The following CSMD1 variants were observed in gnomAD, a reference collection of about 807,000 sequenced individuals.
CSMD1 encodes the protein CUB and sushi domain-containing protein 1.
In CSMD1, 213 loss-of-function variants were observed where a neutral mutation model predicts 417.5. The ratio of observed to expected loss-of-function variants is 0.51; its 90% CI spans 0.46 to 0.57. The LOEUF is 0.57. CSMD1 is among the 20% of genes least tolerant of loss of function. The pLI is 0.00. For synonymous variants in CSMD1, 2,862 were observed against 1,736.8 expected (o/e 1.65, Z -16.11); for missense variants, 6,923 against 4,529.7 (o/e 1.53, Z -15.17).
At chr8:4,617,290 T>C (rs187612972) in intron 2 of CSMD1, among the ~76,000 whole-genome samples, 55 of 152,310 alleles carry the variant, frequency 3.6e-4, no homozygotes, top group African/African-American at 1.3e-3. Flanking sequence ...TGTTGGATAA[T>C]GTCTATAAAC....
At chr8:3,681,507 G>A (rs768316982) in intron 7 of CSMD1, among the ~76,000 whole-genome samples, 3 of 152,136 alleles carry the variant, frequency 2.0e-5, no homozygotes, top group Non-Finnish European at 2.9e-5. Flanking sequence ...TCTTCAAGGA[G>A]AATTACAAAC....
rs1414737341 is a variant in CSMD1, at chr8:3,575,072, AAC to A, written c.1223-8_1223-7del. Reference sequence around the variant, plus strand: ...ATTGGATCCACATGTTCTCGCTGGAAACACATAGAAACGACGTTATTTTCTAC... The same window carrying A: ...ATTGGATCCACATGTTCTCGCTGGAAACATAGAAACGACGTTATTTTCTAC... On this transcript the variant is annotated splice_region_variant and splice_polypyrimidine_tract_variant and intron_variant, in intron 9 of 69. Coordinates refer to ENST00000635120, the MANE Select transcript of CSMD1 (RefSeq NM_033225.6). The A allele has an allele frequency of 4.3e-6, 7 of 1,612,468 alleles. No individual in the cohort carries two copies. The highest frequency in any genetic ancestry group is 5.9e-6 in the Non-Finnish European group (7 of 1,179,210).
At chr8:3,165,700 T>G (rs113407220) in intron 37 of CSMD1, among the ~76,000 whole-genome samples, 6 of 152,064 alleles carry the variant, frequency 3.9e-5, no homozygotes, top group Non-Finnish European at 8.8e-5. Flanking sequence ...CCCAAAGTGC[T>G]GGGAGAACGG....
chr8:3,635,812 A>AAAAG (rs1554495062), intron 7 of CSMD1, among the ~76,000 whole-genome samples: 3,777 of 116,320 alleles, frequency 0.032, 52 homozygotes, highest in Middle Eastern at 0.068. Context: ...AAAAAAAAAA[A>AAAAG]AAAGAAAGAA....
chr8:3,572,875 C>A (rs1200238642), intron 10 of CSMD1, among the ~76,000 whole-genome samples: 1 of 152,136 alleles, frequency 6.6e-6, no homozygotes, highest in East Asian at 1.9e-4. Context: ...ACTATCTAAC[C>A]TTCAGAACTT....
intron 3 of CSMD1, among the ~76,000 whole-genome samples, chr8:4,044,931 T>TAA (rs1798073873): frequency 7.1e-6 from 1 of 140,558 alleles, no homozygotes; most frequent in Non-Finnish European, 1.6e-5. Context: ...TAAAAAAATG[T>TAA]CCCCATGGCA....
intron 10 of CSMD1, among the ~76,000 whole-genome samples, chr8:3,567,223 G>A (rs1262634295): frequency 6.6e-6 from 1 of 152,046 alleles, no homozygotes; most frequent in Admixed American, 6.6e-5. Flanking sequence ...AATGGTGAAA[G>A]TACATGGACA....
chr8:4,928,127 C>G (rs570222863), intron 1 of CSMD1, among the ~76,000 whole-genome samples: 12 of 152,272 alleles, frequency 7.9e-5, no homozygotes, highest in Non-Finnish European at 1.6e-4. Context: ...CTATTCCACC[C>G]CAGCCTCTGC....
intron 2 of CSMD1, among the ~76,000 whole-genome samples, chr8:4,597,136 TA>T (rs1413777405): frequency 2.0e-4 from 30 of 152,072 alleles, no homozygotes; most frequent in African/African-American, 5.8e-4. Flanking sequence ...CATTTGCAGC[TA>T]ACAAAAGCAG....
intron 7 of CSMD1, among the ~76,000 whole-genome samples, chr8:3,645,623 T>G (rs1182851770): frequency 6.6e-6 from 1 of 151,928 alleles, no homozygotes; most frequent in Non-Finnish European, 1.5e-5. Context: ...ATGGGAAGAG[T>G]CGGCCTTCTG....
At chr8:3,678,682 G>C (rs978619683) in intron 7 of CSMD1, among the ~76,000 whole-genome samples, 2 of 152,114 alleles carry the variant, frequency 1.3e-5, no homozygotes, top group East Asian at 1.9e-4. Context: ...AGGAAACACA[G>C]AGGACGCCAC....
intron 6 of CSMD1, among the ~76,000 whole-genome samples, chr8:3,712,455 A>C (rs888950837): frequency 6.6e-6 from 1 of 150,426 alleles, no homozygotes; most frequent in Non-Finnish European, 1.5e-5. Context: ...AGAGAGAGAG[A>C]AACTAGAGCT....
At chr8:4,133,058 C>T (rs868277307) in intron 3 of CSMD1, among the ~76,000 whole-genome samples, 1 of 152,110 alleles carries the variant, frequency 6.6e-6, no homozygotes, top group Non-Finnish European at 1.5e-5. Flanking sequence ...GCCTCAGCCT[C>T]TTGAGTAGTT....
chr8:2,940,166 C>G (rs1363556906), intron 69 of CSMD1, among the ~76,000 whole-genome samples: 1 of 152,162 alleles, frequency 6.6e-6, no homozygotes, highest in Non-Finnish European at 1.5e-5. Flanking sequence ...GTGCTACAGG[C>G]TTGGTGCTTT....
intron 3 of CSMD1, among the ~76,000 whole-genome samples, chr8:4,313,517 A>AT: frequency 6.6e-6 from 1 of 151,626 alleles, no homozygotes; most frequent in African/African-American, 2.4e-5. Flanking sequence ...GAAAAAAAAA[A>AT]AAAAAATCAC....
At chr8:4,382,971 G>T (rs1243736859) in intron 3 of CSMD1, among the ~76,000 whole-genome samples, 1 of 152,200 alleles carries the variant, frequency 6.6e-6, no homozygotes, top group Non-Finnish European at 1.5e-5. Context: ...GGATGACAAA[G>T]AACTGAGAGG....
chr8:4,737,844 G>T (rs564792986), intron 1 of CSMD1, among the ~76,000 whole-genome samples: 1 of 152,088 alleles, frequency 6.6e-6, no homozygotes, highest in African/African-American at 2.4e-5. Context: ...AAAGGGAGGA[G>T]GAGTCAAATA....
chr8:3,287,386 CT>C (rs1803239062), intron 25 of CSMD1, among the ~76,000 whole-genome samples: 1 of 152,074 alleles, frequency 6.6e-6, no homozygotes, highest in African/African-American at 2.4e-5. Context: ...TATAAATTAC[CT>C]TGGGCAGTAT....
intron 11 of CSMD1, 98 bp from the exon 12 acceptor site, chr8:3,468,922 T>C (rs1563068458): frequency 1.4e-6 from 1 of 690,598 alleles, no homozygotes; most frequent in Non-Finnish European, 2.5e-6. Flanking sequence ...AGCCAAACCC[T>C]AGATATATAG....
Sources: gnomAD v4.1 joint callset for allele counts (sites outside exome capture counted in the v4.1 genomes callset) on GRCh38, gnomAD v4.1.1 for gene constraint, MANE v1.5 for transcripts, NCBI Gene and HGNC (gene_info 2026-07-23, HGNC 2026-07-21) for gene names.